Variants in AVEN observed in about 807,000 individuals in gnomAD.
AVEN encodes the protein apoptosis and caspase activation inhibitor.
In AVEN, 41 loss-of-function variants were observed where a neutral mutation model predicts 38.1. The ratio of observed to expected loss-of-function variants is 1.08; its 90% CI spans 0.84 to 1.40. AVEN has a LOEUF of 1.40. AVEN is among the 40% of genes most tolerant of loss of function. The probability of loss-of-function intolerance (pLI) is 0.00; values close to 1 mark genes in which losing one functional copy is unlikely to be tolerated. For synonymous variants in AVEN, 206 were observed against 171.8 expected, an observed-to-expected ratio of 1.20 and a Z score of -1.56; for missense variants, 605 against 438.8, an observed-to-expected ratio of 1.38 and a Z score of -3.38.
intron 1 of AVEN, among the ~76,000 whole-genome samples, chr15:34,028,890 A>G (rs554282255): frequency 5.9e-5 from 9 of 152,266 alleles, no homozygotes; most frequent in Non-Finnish European, 1.2e-4. Flanking sequence ...AAAAACACAC[A>G]GATGCCAGAA....
intron 1 of AVEN, among the ~76,000 whole-genome samples, chr15:34,073,050 CT>C (rs1567498192): frequency 1.5e-5 from 2 of 136,764 alleles, no homozygotes; most frequent in Admixed American, 1.5e-4. Flanking sequence ...TTTTCTTTTT[CT>C]TTTTTTTGAG....
chr15:33,871,774 CA>C (rs55793582), intron 3 of AVEN, among the ~76,000 whole-genome samples: 1,465 of 91,558 alleles, frequency 0.016, 33 homozygotes, highest in African/African-American at 0.052. Flanking sequence ...CTAGTCTCCT[CA>C]AAAAAAAAAA....
chr15:33,925,078 C>A (rs1269841047), intron 2 of AVEN, among the ~76,000 whole-genome samples: 2 of 152,134 alleles, frequency 1.3e-5, no homozygotes, highest in Non-Finnish European at 1.5e-5. Context: ...TAAACTCATT[C>A]TTTATTAAAC....
intron 2 of AVEN, among the ~76,000 whole-genome samples, chr15:33,975,272 G>T (rs10519898): frequency 0.039 from 5,994 of 152,152 alleles, 411 homozygotes; most frequent in African/African-American, 0.14. Context: ...GCAAGTTTTT[G>T]ATTCCATATA....
At chr15:33,859,069 G>A (rs2080052008) in exon 12 of AVEN, 1 of 154,134 alleles carries the variant, frequency 6.5e-6, no homozygotes, top group South Asian at 2.0e-4. Flanking sequence ...CCTGCTCAGG[G>A]AGCCCGTGCC....
At chr15:33,878,870 TAG>T (rs1373797635) in intron 2 of AVEN, among the ~76,000 whole-genome samples, 4 of 152,156 alleles carry the variant, frequency 2.6e-5, no homozygotes, top group African/African-American at 9.7e-5. Flanking sequence ...TAAAATCTGA[TAG>T]ATTTTTTTAA....
At chr15:33,870,396 A>C (rs908557822) in intron 4 of AVEN, among the ~76,000 whole-genome samples, 3 of 152,096 alleles carry the variant, frequency 2.0e-5, no homozygotes, top group African/African-American at 7.2e-5. Context: ...TTCTCGTTTA[A>C]ATGCCAGCTC....
intron 2 of AVEN, among the ~76,000 whole-genome samples, chr15:33,892,306 CTA>C (rs1190672233): frequency 1.9e-4 from 29 of 152,318 alleles, no homozygotes; most frequent in African/African-American, 6.7e-4. Context: ...TTGCCCATGC[CTA>C]TGTCCTGAAT....
chr15:33,871,514 G>C (rs1367199300), intron 3 of AVEN, among the ~76,000 whole-genome samples: 1 of 151,988 alleles, frequency 6.6e-6, no homozygotes, highest in Non-Finnish European at 1.5e-5. Flanking sequence ...GCCGCAGGGA[G>C]CCGAGATCGC....
At chr15:33,908,921 G>A (rs1282408287) in intron 2 of AVEN, among the ~76,000 whole-genome samples, 2 of 152,142 alleles carry the variant, frequency 1.3e-5, no homozygotes, top group Admixed American at 6.5e-5. Flanking sequence ...CGACAAAGCT[G>A]GAGACCTGAG....
chr15:34,013,907 C>T (rs532843518), intron 1 of AVEN, among the ~76,000 whole-genome samples: 3 of 152,160 alleles, frequency 2.0e-5, no homozygotes, highest in Non-Finnish European at 4.4e-5. Context: ...ACTGAAGGAA[C>T]GGCTGCTATC....
intron 2 of AVEN, among the ~76,000 whole-genome samples, chr15:33,886,535 CCT>C (rs539434519): frequency 2.4e-4 from 36 of 152,252 alleles, no homozygotes; most frequent in African/African-American, 8.7e-4. Flanking sequence ...GATCTCCTAA[CCT>C]CGTGATCCGC....
At chr15:34,037,904 A>G (rs933233134) in intron 1 of AVEN, among the ~76,000 whole-genome samples, 8 of 152,202 alleles carry the variant, frequency 5.3e-5, no homozygotes, top group African/African-American at 1.9e-4. Context: ...ATCAGTGTGC[A>G]TAAGAATGCA....
At chr15:33,938,811 C>T (rs1894200349) in intron 2 of AVEN, among the ~76,000 whole-genome samples, 1 of 152,198 alleles carries the variant, frequency 6.6e-6, no homozygotes, top group Non-Finnish European at 1.5e-5. Context: ...CCGACAGGAT[C>T]AGATACACCT....
At position 33,918,559 on chromosome 15, in the gene AVEN, C is replaced by T. The variant is rs531354306; in HGVS notation, c.446-42564G>A. ...TCAGCTCACTGCATGCAGTCTCTGC[C>T]TCCCGGGTTCAAGCGATTCTCCTGC... On this transcript the variant is annotated intron_variant, in intron 2 of 5. Coordinates refer to ENST00000306730, the MANE Select transcript of AVEN (RefSeq NM_020371.3). Among the ~76,000 whole-genome samples the T allele has an allele frequency of 6.1e-5, 9 of 147,618 alleles. No homozygotes were observed. The East Asian group carries it at 1.4e-3, about 23-fold the overall frequency.
At chr15:33,989,456 A>G (rs1000515540) in intron 2 of AVEN, among the ~76,000 whole-genome samples, 1 of 151,958 alleles carries the variant, frequency 6.6e-6, no homozygotes, top group Non-Finnish European at 1.5e-5. Flanking sequence ...AGTTTAAAAA[A>G]AAAAAAAAGG....
intron 2 of AVEN, among the ~76,000 whole-genome samples, chr15:33,980,749 GCAGA>G (rs1228133352): frequency 1.3e-5 from 2 of 152,214 alleles, no homozygotes; most frequent in African/African-American, 2.4e-5. Context: ...CTTGCTCTAA[GCAGA>G]GTGTAGGCAA....
At chr15:33,858,435 G>A (rs1381836625), downstream of AVEN, among the ~76,000 whole-genome samples, 5 of 152,040 alleles carry the variant, frequency 3.3e-5, no homozygotes, top group South Asian at 6.4e-4. Flanking sequence ...TCAAACTCCC[G>A]ACCTCAGGTG....
rs568318252 is a variant in AVEN, at chr15:33,973,964, G to A, written c.445+29068C>T. On this transcript the variant is annotated intron_variant, in intron 2 of 5. Transcript: ENST00000306730. Reference sequence around the variant, plus strand: ...GATAATAGGCAAGTAGGTAACTGCAGAAAAGTCTAATGAAGGAGTCTTTTA... The same window carrying A: ...GATAATAGGCAAGTAGGTAACTGCAAAAAAGTCTAATGAAGGAGTCTTTTA... 2.6e-3 allele frequency among the ~76,000 whole-genome samples: 401 copies of A among 152,296 alleles called. 8 individuals are homozygous for A. Among genetic ancestry groups the A allele is most frequent in the Non-Finnish European group, 3.4e-3 (232 of 68,018 alleles).
Sources: gnomAD v4.1 joint callset for allele counts (sites outside exome capture counted in the v4.1 genomes callset) on GRCh38, gnomAD v4.1.1 for gene constraint, MANE v1.5 for transcripts, NCBI Gene and HGNC (gene_info 2026-07-23, HGNC 2026-07-21) for gene names.